FGF14: variants seen among roughly 807,000 people sequenced by gnomAD.
FGF14 encodes the protein fibroblast growth factor 14, also known as fibroblast growth factor homologous factor 4.
In FGF14, 5 loss-of-function variants were observed where a neutral mutation model predicts 25.5. The observed-to-expected ratio is 0.20, with a 90% CI of 0.10 to 0.41. The LOEUF is 0.41. Ranked by LOEUF, FGF14 falls within the 10% of genes least tolerant of loss-of-function variation. The probability of loss-of-function intolerance (pLI) is 1.00; values close to 1 mark genes in which losing one functional copy is unlikely to be tolerated. For missense variants in FGF14, 222 were observed against 320.1 expected, an observed-to-expected ratio of 0.69 and a Z score of 2.34; for synonymous variants, 138 against 118.3, an observed-to-expected ratio of 1.17 and a Z score of -1.08.
At chr13:102,374,230 C>G (rs573317403) in intron 1 of FGF14, among the ~76,000 whole-genome samples, 4 of 152,178 alleles carry the variant, frequency 2.6e-5, no homozygotes, top group Admixed American at 2.6e-4. Flanking sequence ...TTACACTTCT[C>G]TTTCAAGTTC....
rs749457840 is a variant in FGF14 at position 102,119,298 on chromosome 13, A to G, written c.209-244002T>C. 2.6e-4 allele frequency among the ~76,000 whole-genome samples: 40 copies of G among 152,196 alleles called. 1 individual carries two copies. Among genetic ancestry groups the G allele is most frequent in the Admixed American group, 2.1e-3 (32 of 15,282 alleles). ...TCTATCCTGAACACAGGTACTCTAC[A>G]AGACAACTGGCTGAGTCTTCCAAAC... On this transcript the variant is annotated intron_variant, in intron 1 of 4. Coordinates refer to the FGF14 transcript ENST00000376131.
intron 3 of FGF14, among the ~76,000 whole-genome samples, chr13:101,808,584 G>A (rs2041329042): frequency 6.6e-6 from 1 of 152,022 alleles, no homozygotes; most frequent in Non-Finnish European, 1.5e-5. Context: ...AAACTAAAAT[G>A]AGCTATTAGT....
intron 1 of FGF14, among the ~76,000 whole-genome samples, chr13:102,336,535 G>A (rs2056792836): frequency 2.0e-5 from 3 of 152,232 alleles, no homozygotes; most frequent in Admixed American, 2.0e-4. Flanking sequence ...AAGTGCTGAT[G>A]CAGAAGCTGT....
intron 1 of FGF14, among the ~76,000 whole-genome samples, chr13:102,063,316 C>G (rs1431974847): frequency 2.0e-5 from 3 of 152,048 alleles, no homozygotes; most frequent in Non-Finnish European, 4.4e-5. Flanking sequence ...ATAGGTAGTT[C>G]TGTAATATAA....
intron 3 of FGF14, among the ~76,000 whole-genome samples, chr13:101,827,532 T>C (rs1231242116): frequency 6.6e-6 from 1 of 151,862 alleles, no homozygotes; most frequent in African/African-American, 2.4e-5. Flanking sequence ...ACTTATTTAC[T>C]TCAAGAAAGA....
Position 101,767,668 on chromosome 13 carries a change from C to G in FGF14, c.409-40858G>C, listed in dbSNP as rs573683485. 3.9e-5 allele frequency among the ~76,000 whole-genome samples: 6 copies of G among 152,194 alleles called. 1 individual carries two copies. The South Asian group carries it at 1.2e-3, about 32-fold the overall frequency. Reference sequence around the variant, plus strand: ...ATAGCAATATCTCATTGATTTAGAGCAGAGCAGACCAAGTTTTGGAGTAGA... The same window carrying G: ...ATAGCAATATCTCATTGATTTAGAGGAGAGCAGACCAAGTTTTGGAGTAGA... On this transcript the variant is annotated intron_variant, in intron 3 of 4. Transcript: ENST00000376143.
chr13:102,151,482 G>A (rs1594162907), intron 1 of FGF14, among the ~76,000 whole-genome samples: 1 of 152,226 alleles, frequency 6.6e-6, no homozygotes, highest in East Asian at 1.9e-4. Context: ...CTGAGGATGA[G>A]ATACCTTCAG....
chr13:102,362,665 A>G (rs957101087), intron 1 of FGF14, among the ~76,000 whole-genome samples: 1 of 152,194 alleles, frequency 6.6e-6, no homozygotes, highest in Non-Finnish European at 1.5e-5. Context: ...TGTTCAATAA[A>G]TCTGTGTCTC....
chr13:101,847,862 A>G (rs2043544366), intron 3 of FGF14, among the ~76,000 whole-genome samples: 1 of 152,072 alleles, frequency 6.6e-6, no homozygotes. Flanking sequence ...TTCCAATCAC[A>G]GGAAACGTTT....
chr13:101,876,180 A>G (rs1192336652), intron 1 of FGF14, among the ~76,000 whole-genome samples: 2 of 152,184 alleles, frequency 1.3e-5, no homozygotes, highest in Non-Finnish European at 1.5e-5. Context: ...CCACTCTAGT[A>G]ATCCAGTGCT....
intron 1 of FGF14, among the ~76,000 whole-genome samples, chr13:102,094,441 C>T (rs990655839): frequency 6.6e-6 from 1 of 152,116 alleles, no homozygotes; most frequent in Non-Finnish European, 1.5e-5. Flanking sequence ...AAGAAAATCA[C>T]TGAGAAAAAA....
At chr13:102,028,771 T>C (rs866334726) in intron 1 of FGF14, among the ~76,000 whole-genome samples, 2 of 152,020 alleles carry the variant, frequency 1.3e-5, no homozygotes, top group Admixed American at 6.6e-5. Flanking sequence ...TTCAGAATAA[T>C]TGAGGATCAA....
rs2034787895 is a variant in FGF14, at chr13:101,717,922, G to C, written c.*4909C>G. On this transcript the variant is annotated 3_prime_UTR_variant, in exon 5 of 5. Coordinates refer to ENST00000376143, the MANE Select transcript of FGF14 (RefSeq NM_004115.4). ...TAACAACAACAACTACAACAAAAGT[G>C]CTGCTCTTTTTCATAGTCTCATGTA... 2.0e-5 allele frequency: 3 copies of C among 152,090 alleles called. No homozygotes were observed. The South Asian group carries it at 6.2e-4, about 31-fold the overall frequency. The allele number at this position is 152,090 out of a possible 1,614,324, so 9.4% of individuals were successfully genotyped here.
chr13:102,220,172 A>G (rs2140952605), intron 1 of FGF14, among the ~76,000 whole-genome samples: 1 of 152,256 alleles, frequency 6.6e-6, no homozygotes, highest in South Asian at 2.1e-4. Context: ...TTTTCTGCTC[A>G]TACGTCCCAA....
rs533879465 is a variant in FGF14 at position 102,148,674 on chromosome 13, C to T, written c.208+252797G>A. 7.2e-5 allele frequency among the ~76,000 whole-genome samples: 11 copies of T among 152,110 alleles called. 1 individual carries two copies. The South Asian group carries it at 1.5e-3, about 20-fold the overall frequency. Reference sequence around the variant, plus strand: ...AATACAAAAAATTAGCCATGCATGGCGGCATGCAACTGTAGTCCCAGCTAC... The same window carrying T: ...AATACAAAAAATTAGCCATGCATGGTGGCATGCAACTGTAGTCCCAGCTAC... On this transcript the variant is annotated intron_variant, in intron 1 of 4. Coordinates refer to the FGF14 transcript ENST00000376131.
intron 1 of FGF14, among the ~76,000 whole-genome samples, chr13:102,057,884 T>C (rs2042505917): frequency 6.6e-6 from 1 of 152,228 alleles, no homozygotes; most frequent in Non-Finnish European, 1.5e-5. Context: ...TTTCTCCAAG[T>C]GCTGAATGTT....
At chr13:101,766,340 C>T (rs545526506) in intron 3 of FGF14, among the ~76,000 whole-genome samples, 14 of 152,196 alleles carry the variant, frequency 9.2e-5, no homozygotes, top group East Asian at 5.8e-4. Flanking sequence ...ATTCTTACTA[C>T]GGGCTTCCAT....
In FGF14 at chr13:102,245,277, T is replaced by C. The variant is rs371782086; in HGVS notation, c.208+156194A>G. ...AATAATGTAGTTGTGTGTCTCCCTA[T>C]GCTTATAGCAGTTTGTAAATATAAA... On this transcript the variant is annotated intron_variant, in intron 1 of 4. Coordinates refer to the FGF14 transcript ENST00000376131. Among the ~76,000 whole-genome samples the C allele has an allele frequency of 6.5e-4, 99 of 152,284 alleles. No homozygotes were observed. The South Asian group carries it at 0.019, about 30-fold the overall frequency.
intron 1 of FGF14, among the ~76,000 whole-genome samples, chr13:102,282,854 T>TAA (rs764944154): frequency 2.9e-5 from 4 of 138,796 alleles, no homozygotes; most frequent in Middle Eastern, 3.7e-3. Context: ...GTCATGCAAT[T>TAA]AAAAAAAAAA....
Sources: allele counts gnomAD v4.1 joint callset (sites outside exome capture counted in the v4.1 genomes callset), GRCh38; gene constraint gnomAD v4.1.1; transcripts MANE v1.5; gene names NCBI Gene and HGNC (gene_info 2026-07-23, HGNC 2026-07-21).